Variants in SHISA9 observed in about 807,000 individuals in gnomAD.
SHISA9 encodes the protein protein shisa-9.
Under a neutral mutation model 38.0 loss-of-function variants are expected in SHISA9, and 13 were observed. That is an observed-to-expected ratio of 0.34 (90% CI 0.22 to 0.54). The LOEUF (loss-of-function observed/expected upper bound fraction) is 0.54, where lower values mean the gene tolerates loss of function less well. Among genes scored for constraint, SHISA9 ranks in the 20% least tolerant of loss-of-function variants. The probability of loss-of-function intolerance (pLI) is 0.91; values close to 1 mark genes in which losing one functional copy is unlikely to be tolerated. For synonymous variants in SHISA9, 275 were observed against 242.0 expected (o/e 1.14, Z -1.27); for missense variants, 538 against 575.8 (o/e 0.93, Z 0.67).
chr16:13,416,748 AAGGAAGG>A, the SHISA9 span, among the ~76,000 whole-genome samples: 2 of 92,108 alleles, frequency 2.2e-5, no homozygotes, highest in East Asian at 2.7e-4. Flanking sequence ...GAAAGAAAGG[AAGGAAGG>A]AAGGAAGGAA....
the SHISA9 span, among the ~76,000 whole-genome samples, chr16:13,521,998 C>T: frequency 6.6e-6 from 1 of 152,164 alleles, no homozygotes; most frequent in African/African-American, 2.4e-5. Flanking sequence ...CTGAAATATA[C>T]TCTGTGGTCC....
the SHISA9 span, among the ~76,000 whole-genome samples, chr16:13,360,626 C>T: frequency 6.6e-6 from 1 of 152,160 alleles, no homozygotes; most frequent in African/African-American, 2.4e-5. Flanking sequence ...AAACCTCTTT[C>T]CTTTATAAAT....
the SHISA9 span, among the ~76,000 whole-genome samples, chr16:13,506,569 G>A: frequency 6.6e-6 from 1 of 152,170 alleles, no homozygotes; most frequent in African/African-American, 2.4e-5. Context: ...CGGATATCCA[G>A]GAAGAGGGAG....
the SHISA9 span, among the ~76,000 whole-genome samples, chr16:13,551,018 G>C: frequency 6.6e-6 from 1 of 152,048 alleles, no homozygotes; most frequent in Non-Finnish European, 1.5e-5. Flanking sequence ...AGCTACTTGG[G>C]AGGCTGAGGC....
chr16:12,952,199 C>G (rs1327004594), intron 2 of SHISA9, among the ~76,000 whole-genome samples: 1 of 152,228 alleles, frequency 6.6e-6, no homozygotes, highest in Non-Finnish European at 1.5e-5. Context: ...AGCACTGCAG[C>G]TCATGCTTTC....
At chr16:13,440,657 G>A in the SHISA9 span, among the ~76,000 whole-genome samples, 1 of 152,202 alleles carries the variant, frequency 6.6e-6, no homozygotes, top group Non-Finnish European at 1.5e-5. Flanking sequence ...GGCCGGGTGC[G>A]GCGGCTCACG....
At chr16:13,192,077 C>G (rs2050890621) in intron 2 of SHISA9, among the ~76,000 whole-genome samples, 1 of 152,140 alleles carries the variant, frequency 6.6e-6, no homozygotes, top group African/African-American at 2.4e-5. Context: ...TTTGCAGCAA[C>G]ATGGATGGAG....
At chr16:13,219,992 C>G (rs1159215154) in intron 4 of SHISA9, among the ~76,000 whole-genome samples, 1 of 152,078 alleles carries the variant, frequency 6.6e-6, no homozygotes, top group Non-Finnish European at 1.5e-5. Flanking sequence ...AGAGATGCAT[C>G]TCACCTGAAA....
At chr16:13,083,215 A>G (rs1360935555) in intron 2 of SHISA9, among the ~76,000 whole-genome samples, 4 of 152,188 alleles carry the variant, frequency 2.6e-5, no homozygotes, top group Admixed American at 2.0e-4. Flanking sequence ...TGGCTACTCC[A>G]TGGGGCTGGA....
chr16:12,946,587 T>C (rs1449306355), intron 2 of SHISA9, among the ~76,000 whole-genome samples: 1 of 152,200 alleles, frequency 6.6e-6, no homozygotes, highest in African/African-American at 2.4e-5. Context: ...GGAACATGGA[T>C]TGTAACACCA....
the SHISA9 span, among the ~76,000 whole-genome samples, chr16:13,547,394 T>A: frequency 1.6e-4 from 24 of 152,236 alleles, no homozygotes; most frequent in Middle Eastern, 3.4e-3. Context: ...GGGAATTAGC[T>A]CATGAGATTA....
chr16:13,226,388 T>G (rs1020261632), intron 4 of SHISA9, among the ~76,000 whole-genome samples: 3 of 152,230 alleles, frequency 2.0e-5, no homozygotes, highest in African/African-American at 7.2e-5. Flanking sequence ...ACCTGAGTCC[T>G]AGGGTGGGAG....
At chr16:13,252,916 C>G in the SHISA9 span, among the ~76,000 whole-genome samples, 2 of 152,130 alleles carry the variant, frequency 1.3e-5, no homozygotes, top group Non-Finnish European at 2.9e-5. Context: ...TCCATTTATA[C>G]TTGCATTTTC....
intron 2 of SHISA9, among the ~76,000 whole-genome samples, chr16:12,953,495 A>G (rs2071787644): frequency 6.6e-6 from 1 of 152,224 alleles, no homozygotes; most frequent in African/African-American, 2.4e-5. Flanking sequence ...TAACCAACAG[A>G]AAGCATAAGG....
At chr16:13,303,932 A>T in the SHISA9 span, among the ~76,000 whole-genome samples, 3 of 152,164 alleles carry the variant, frequency 2.0e-5, no homozygotes, top group Admixed American at 2.0e-4. Flanking sequence ...CAAGAATCAT[A>T]TCCCTGGTGT....
chr16:13,297,821 A>G, the SHISA9 span, among the ~76,000 whole-genome samples: 5 of 152,146 alleles, frequency 3.3e-5, no homozygotes, highest in Non-Finnish European at 5.9e-5. Context: ...CAATGGCACA[A>G]TCTCGGCTCA....
chr16:13,251,949 G>A, the SHISA9 span, among the ~76,000 whole-genome samples: 2 of 152,184 alleles, frequency 1.3e-5, no homozygotes, highest in East Asian at 1.9e-4. Context: ...AGCGAGAACT[G>A]AGTTCAAATC....
chr16:13,398,715 T>C, the SHISA9 span, among the ~76,000 whole-genome samples: 2 of 152,040 alleles, frequency 1.3e-5, no homozygotes. Flanking sequence ...TTTCACCACA[T>C]TGGCCAGGCT....
rs153080 is a variant in SHISA9 at position 13,152,147 on chromosome 16, A to G, written c.692-51247A>G. Among the ~76,000 whole-genome samples the G allele has an allele frequency of 2.2e-3, 334 of 152,322 alleles. 9 individuals are homozygous for G. In the East Asian group the frequency reaches 0.055, roughly 25 times the overall value. On this transcript the variant is annotated intron_variant, in intron 2 of 4. Transcript: ENST00000558583. ...TAAATAAAAGGGGCTAGTTCCAACA[A>G]TGGAACTATAAAAATACCCAGAGAT...
Sources: gnomAD v4.1 joint callset for allele counts (sites outside exome capture counted in the v4.1 genomes callset) on GRCh38, gnomAD v4.1.1 for gene constraint, MANE v1.5 for transcripts, NCBI Gene and HGNC (gene_info 2026-07-23, HGNC 2026-07-21) for gene names.